The following FER variants were observed in gnomAD, a reference collection of about 807,000 sequenced individuals.
FER encodes FER tyrosine kinase.
Under a neutral mutation model 111.0 loss-of-function variants are expected in FER, and 63 were observed. The observed-to-expected ratio is 0.57, with a 90% CI of 0.46 to 0.70. The LOEUF (loss-of-function observed/expected upper bound fraction) is 0.70. Among genes scored for constraint, FER ranks in the 30% least tolerant of loss-of-function variants. The pLI is 0.00. For missense variants in FER, 914 were observed against 954.0 expected (o/e 0.96, Z 0.55); for synonymous variants, 327 against 313.9 (o/e 1.04, Z -0.44).
chr5:108,802,683 CATGATTTCTTTCTTTTTT>C (rs1371038539), intron 3 of FER, among the ~76,000 whole-genome samples: 3 of 152,022 alleles, frequency 2.0e-5, no homozygotes, highest in Non-Finnish European at 4.4e-5. Flanking sequence ...CTGCAAAGGG[CATGATTTCTTTCTTTTTT>C]ATGACCATAT....
At chr5:108,765,096 T>C (rs1207462999) in intron 1 of FER, among the ~76,000 whole-genome samples, 1 of 152,216 alleles carries the variant, frequency 6.6e-6, no homozygotes, top group Non-Finnish European at 1.5e-5. Context: ...AGGAAGTTCT[T>C]GGGGAAGATT....
intron 17 of FER, among the ~76,000 whole-genome samples, chr5:109,178,314 A>ATT (rs1205346230): frequency 1.3e-5 from 2 of 152,240 alleles, no homozygotes; most frequent in Non-Finnish European, 2.9e-5. Context: ...TTTACACTGA[A>ATT]TTGAGGTATC....
At chr5:108,933,453 A>G (rs1324987208) in intron 10 of FER, among the ~76,000 whole-genome samples, 4 of 150,980 alleles carry the variant, frequency 2.6e-5, no homozygotes, top group African/African-American at 4.9e-5. Flanking sequence ...ATTGGTCTAT[A>G]TATGTGTTTT....
rs1001418558 is a variant in FER at position 109,192,423 on chromosome 5, T to C, written c.*4848T>C. The C allele has an allele frequency of 1.3e-5, 2 of 152,146 alleles. No homozygotes were observed. The highest frequency in any genetic ancestry group is 4.8e-5 in the African/African-American group (2 of 41,434). The allele number at this position is 152,146 out of a possible 1,614,324, so 9.4% of individuals were successfully genotyped here. A position where few individuals can be genotyped will look rare whatever the true frequency, so the allele number is the denominator to read the frequency against. On this transcript the variant is annotated 3_prime_UTR_variant, in exon 20 of 20. Transcript: ENST00000281092. ...GCAGTCATCTCCAGTGTGTGGGCCTTAGCAAAGAGTAAACCAAATACCTCT... is the reference window on the plus strand; with the variant it reads ...GCAGTCATCTCCAGTGTGTGGGCCTCAGCAAAGAGTAAACCAAATACCTCT...
chr5:108,850,023 C>A (rs1469482682), intron 5 of FER, among the ~76,000 whole-genome samples: 6 of 152,000 alleles, frequency 3.9e-5, no homozygotes, highest in Non-Finnish European at 1.5e-5. Flanking sequence ...AACCCCGTCT[C>A]TACTAAAAAA....
At chr5:108,883,749 G>A (rs973339615) in intron 9 of FER, among the ~76,000 whole-genome samples, 3 of 151,938 alleles carry the variant, frequency 2.0e-5, no homozygotes, top group Admixed American at 6.6e-5. Flanking sequence ...ATAGCATTCT[G>A]ATCATATGTC....
intron 16 of FER, chr5:109,052,553 G>C (rs545931396): frequency 3.0e-6 from 2 of 660,102 alleles, no homozygotes; most frequent in East Asian, 5.0e-5. Flanking sequence ...GGCAAATTCA[G>C]GCACTCAGAC....
chr5:108,943,231 TCAGC>T, intron 10 of FER, among the ~76,000 whole-genome samples: 1 of 152,278 alleles, frequency 6.6e-6, no homozygotes, highest in East Asian at 1.9e-4. Context: ...TCATTAATGA[TCAGC>T]GTAACGCAAA....
intron 13 of FER, among the ~76,000 whole-genome samples, chr5:108,998,881 C>T (rs1764352313): frequency 6.6e-6 from 1 of 152,008 alleles, no homozygotes; most frequent in South Asian, 2.1e-4. Context: ...AGGATTTTTG[C>T]CTCGATGTTA....
At chr5:108,908,249 A>G (rs1751056993) in intron 10 of FER, among the ~76,000 whole-genome samples, 1 of 152,244 alleles carries the variant, frequency 6.6e-6, no homozygotes, top group Admixed American at 6.5e-5. Context: ...AAAGATATTT[A>G]AATGCATGGC....
intron 1 of FER, among the ~76,000 whole-genome samples, chr5:108,766,003 C>T (rs1334853386): frequency 1.3e-5 from 2 of 151,094 alleles, no homozygotes; most frequent in Admixed American, 6.6e-5. Flanking sequence ...AATCATTGTT[C>T]ACTGCAACCT....
intron 13 of FER, among the ~76,000 whole-genome samples, chr5:108,992,605 G>A (rs1161465154): frequency 6.6e-6 from 1 of 150,878 alleles, no homozygotes; most frequent in Non-Finnish European, 1.5e-5. Context: ...TTACCTCCCA[G>A]ATGGGGCGGC....
chr5:108,878,345 C>A (rs1479344138), intron 8 of FER, among the ~76,000 whole-genome samples: 1 of 152,108 alleles, frequency 6.6e-6, no homozygotes, highest in Non-Finnish European at 1.5e-5. Flanking sequence ...CGACCACCAT[C>A]ACTACCTTCT....
At chr5:108,885,305 T>C (rs1193662504) in intron 9 of FER, among the ~76,000 whole-genome samples, 1 of 152,006 alleles carries the variant, frequency 6.6e-6, no homozygotes, top group Non-Finnish European at 1.5e-5. Flanking sequence ...TCACTCTTAG[T>C]ATTCTTTATT....
chr5:108,943,451 A>G (rs751679088), intron 10 of FER, among the ~76,000 whole-genome samples: 50 of 152,052 alleles, frequency 3.3e-4, no homozygotes, highest in Non-Finnish European at 6.3e-4. Flanking sequence ...GAACTGTTAT[A>G]TGCTTTTTGG....
At chr5:109,177,172 T>C (rs996288559) in intron 17 of FER, among the ~76,000 whole-genome samples, 2 of 152,144 alleles carry the variant, frequency 1.3e-5, no homozygotes, top group Admixed American at 6.5e-5. Flanking sequence ...TACTGTAATG[T>C]CCCCCAAATA....
At chr5:108,922,924 A>G (rs1753221677) in intron 10 of FER, among the ~76,000 whole-genome samples, 1 of 152,168 alleles carries the variant, frequency 6.6e-6, no homozygotes, top group Admixed American at 6.5e-5. Flanking sequence ...AGTTAATTGC[A>G]TAGTTTCTGG....
intron 5 of FER, among the ~76,000 whole-genome samples, chr5:108,848,812 C>A (rs1241410288): frequency 6.6e-6 from 1 of 151,910 alleles, no homozygotes; most frequent in African/African-American, 2.4e-5. Flanking sequence ...TATCATTTTA[C>A]TTTTGCCTGA....
At chr5:108,881,982 A>G (rs1765723940) in intron 8 of FER, among the ~76,000 whole-genome samples, 1 of 152,154 alleles carries the variant, frequency 6.6e-6, no homozygotes, top group African/African-American at 2.4e-5. Flanking sequence ...GTATTCTGCT[A>G]CATTTTGCCT....
Sources: gnomAD v4.1 joint callset for allele counts (sites outside exome capture counted in the v4.1 genomes callset) on GRCh38, gnomAD v4.1.1 for gene constraint, MANE v1.5 for transcripts, NCBI Gene and HGNC (gene_info 2026-07-23, HGNC 2026-07-21) for gene names.